DPP10: variants seen among roughly 807,000 people sequenced by gnomAD.
DPP10 encodes the protein dipeptidyl peptidase like 10, also known as inactive dipeptidyl peptidase 10.
In DPP10, 33 loss-of-function variants were observed where a neutral mutation model predicts 120.9. The observed-to-expected ratio is 0.27, with a 90% CI of 0.21 to 0.37. The LOEUF is 0.37. Ranked by LOEUF, DPP10 falls within the 10% of genes least tolerant of loss-of-function variation. The pLI, the probability that DPP10 is intolerant of heterozygous loss-of-function variation, is 1.00. For missense variants in DPP10, 816 were observed against 942.8 expected, an observed-to-expected ratio of 0.87 and a Z score of 1.76; for synonymous variants, 337 against 326.1, an observed-to-expected ratio of 1.03 and a Z score of -0.36.
chr2:115,604,182 C>T (rs1448469), intron 5 of DPP10, among the ~76,000 whole-genome samples: 150,137 of 151,924 alleles, frequency 0.99, 74,213 homozygotes, highest in East Asian at 1. Context: ...TATTCTGTGC[C>T]CTGATTGCAT....
At chr2:114,799,513 T>C (rs1278201118) in intron 1 of DPP10, among the ~76,000 whole-genome samples, 3 of 152,236 alleles carry the variant, frequency 2.0e-5, no homozygotes, top group Admixed American at 2.0e-4. Flanking sequence ...ATGTATGTTT[T>C]CTTTCAAGTT....
chr2:114,897,778 C>T (rs1020463756), intron 1 of DPP10, among the ~76,000 whole-genome samples: 1 of 152,144 alleles, frequency 6.6e-6, no homozygotes, highest in African/African-American at 2.4e-5. Flanking sequence ...TAGAGAAATG[C>T]AAATCAAAAC....
At chr2:115,772,574 G>C (rs1228470296) in intron 13 of DPP10, among the ~76,000 whole-genome samples, 1 of 152,030 alleles carries the variant, frequency 6.6e-6, no homozygotes, top group Middle Eastern at 3.2e-3. Context: ...AGAGTGTTTT[G>C]TACACGTATT....
chr2:115,041,288 G>T (rs1704625043), intron 1 of DPP10, among the ~76,000 whole-genome samples: 1 of 152,088 alleles, frequency 6.6e-6, no homozygotes, highest in Non-Finnish European at 1.5e-5. Flanking sequence ...ATGGAATTAA[G>T]TTACACGATG....
chr2:115,698,926 C>A (rs2091736439), intron 7 of DPP10, among the ~76,000 whole-genome samples: 1 of 139,108 alleles, frequency 7.2e-6, no homozygotes, highest in African/African-American at 2.7e-5. Flanking sequence ...TAGATATAAA[C>A]AAAGTAGATA....
At chr2:114,924,736 C>G (rs954015799) in intron 1 of DPP10, among the ~76,000 whole-genome samples, 2 of 151,480 alleles carry the variant, frequency 1.3e-5, no homozygotes, top group East Asian at 3.9e-4. Context: ...ATAGATTTCC[C>G]AAATGATATT....
chr2:114,639,491 A>T lies in DPP10; in HGVS notation c.60+196653A>T, dbSNP rs567225408. Among the ~76,000 whole-genome samples the T allele has an allele frequency of 2.1e-4, 32 of 151,926 alleles. No homozygotes were observed. In the East Asian group the frequency reaches 5.8e-3, roughly 27 times the overall value. ...AACATGGGAACAATAGACATTAGAGACACCTAGAGTAGGGAGAGAGGGAGG... is the reference window on the plus strand; with the variant it reads ...AACATGGGAACAATAGACATTAGAGTCACCTAGAGTAGGGAGAGAGGGAGG... On this transcript the variant is annotated intron_variant, in intron 1 of 25. Transcript: ENST00000410059.
intron 1 of DPP10, among the ~76,000 whole-genome samples, chr2:114,866,154 T>TAAAC (rs1690216573): frequency 8.7e-6 from 1 of 115,112 alleles, no homozygotes. Flanking sequence ...TAAATAAACT[T>TAAAC]ATATGCTTGT....
intron 1 of DPP10, among the ~76,000 whole-genome samples, chr2:115,259,327 CA>C (rs1315548981): frequency 2.6e-5 from 4 of 151,668 alleles, no homozygotes; most frequent in Admixed American, 2.6e-4. Context: ...ACTAAAAATG[CA>C]AAAAAATTAG....
intron 1 of DPP10, among the ~76,000 whole-genome samples, chr2:114,590,816 T>A (rs894865583): frequency 1.3e-5 from 2 of 152,218 alleles, no homozygotes; most frequent in Non-Finnish European, 2.9e-5. Flanking sequence ...TTATTAAATT[T>A]ATCTTTAATA....
At chr2:114,814,784 A>G (rs184853975) in intron 1 of DPP10, among the ~76,000 whole-genome samples, 1 of 152,230 alleles carries the variant, frequency 6.6e-6, no homozygotes, top group African/African-American at 2.4e-5. Flanking sequence ...TTCTTCTTCA[A>G]TTTACCCACA....
intron 1 of DPP10, among the ~76,000 whole-genome samples, chr2:114,881,576 C>CTATG (rs1691635094): frequency 1.9e-5 from 2 of 103,124 alleles, no homozygotes; most frequent in Admixed American, 2.2e-4. Context: ...ATCTATCTAT[C>CTATG]TATCTGTCTG....
At chr2:115,329,978 G>C (rs1303674845) in intron 2 of DPP10, among the ~76,000 whole-genome samples, 1 of 152,118 alleles carries the variant, frequency 6.6e-6, no homozygotes, top group Admixed American at 6.6e-5. Flanking sequence ...GGGTCAAATG[G>C]TATTTCTAGT....
intron 7 of DPP10, among the ~76,000 whole-genome samples, chr2:115,718,388 C>G (rs1343923744): frequency 6.6e-6 from 1 of 152,102 alleles, no homozygotes; most frequent in Non-Finnish European, 1.5e-5. Context: ...GATGAGATCT[C>G]ATGTCTCTGT....
chr2:115,062,166 G>GTGTGTGTGTGTA (rs1335187541), intron 1 of DPP10, among the ~76,000 whole-genome samples: 8 of 142,058 alleles, frequency 5.6e-5, no homozygotes, highest in African/African-American at 2.1e-4. Context: ...GTGTGTGTGT[G>GTGTGTGTGTGTA]TGTATGTGTG....
chr2:114,822,340 G>A (rs562492312), intron 1 of DPP10, among the ~76,000 whole-genome samples: 4 of 152,196 alleles, frequency 2.6e-5, no homozygotes, highest in Non-Finnish European at 4.4e-5. Context: ...TGGAGCGACC[G>A]AGACACAGGA....
At chr2:115,376,119 G>A (rs147714714) in intron 3 of DPP10, among the ~76,000 whole-genome samples, 1 of 152,204 alleles carries the variant, frequency 6.6e-6, no homozygotes, top group African/African-American at 2.4e-5. Context: ...TATAGATGGA[G>A]GCAGCAAGGT....
chr2:114,800,497 A>G (rs774777208), intron 1 of DPP10, among the ~76,000 whole-genome samples: 1 of 152,246 alleles, frequency 6.6e-6, no homozygotes, highest in African/African-American at 2.4e-5. Context: ...CAGCCACAGA[A>G]CAAAGAGAAT....
chr2:114,664,846 A>C (rs1697785491), intron 1 of DPP10, among the ~76,000 whole-genome samples: 1 of 150,420 alleles, frequency 6.6e-6, no homozygotes, highest in African/African-American at 2.5e-5. Context: ...GAGCATCCAA[A>C]AGATGGGATA....
Sources: allele counts gnomAD v4.1 joint callset (sites outside exome capture counted in the v4.1 genomes callset), GRCh38; gene constraint gnomAD v4.1.1; transcripts MANE v1.5; gene names NCBI Gene and HGNC (gene_info 2026-07-23, HGNC 2026-07-21).